Variants in SDCBP observed in about 807,000 individuals in gnomAD.
The protein encoded by SDCBP is syntenin-1.
Under a neutral mutation model 30.5 loss-of-function variants are expected in SDCBP, and 22 were observed. The ratio of observed to expected loss-of-function variants is 0.72; its 90% CI spans 0.52 to 1.03. SDCBP has a LOEUF of 1.03. Ranked by LOEUF, SDCBP falls within the 50% of genes least tolerant of loss-of-function variation. SDCBP has a pLI of 0.00. For missense variants in SDCBP, 304 were observed against 369.9 expected, an observed-to-expected ratio of 0.82 and a Z score of 1.46; for synonymous variants, 103 against 118.7, an observed-to-expected ratio of 0.87 and a Z score of 0.86.
intron 1 of SDCBP, among the ~76,000 whole-genome samples, chr8:58,557,429 A>T (rs1019784436): frequency 6.9e-6 from 1 of 143,934 alleles, no homozygotes; most frequent in African/African-American, 2.5e-5. Context: ...AATATATATT[A>T]TATATAATAC....
chr8:58,557,065 ATATAG>A (rs962536604), intron 1 of SDCBP, among the ~76,000 whole-genome samples: 30 of 129,250 alleles, frequency 2.3e-4, no homozygotes, highest in South Asian at 6.9e-4. Context: ...ATACTATATT[ATATAG>A]TATAGTATAG....
At position 58,570,712 on chromosome 8, in the gene SDCBP, G is replaced by C. The variant is rs1475195130; in HGVS notation, c.52-175G>C. 9.3e-6 allele frequency: 5 copies of C among 538,544 alleles called. No individual in the cohort carries two copies. In the Admixed American group the frequency reaches 1.6e-4, roughly 17 times the overall value. The allele number at this position is 538,544 out of a possible 1,614,324, so 33.4% of individuals were successfully genotyped here. A position where few individuals can be genotyped will look rare whatever the true frequency, so the allele number is the denominator to read the frequency against. ...TATTTAGAATATCAAATATAGTTTTGATTTGCAGATTTCCTTTGGAAAATG... is the reference window on the plus strand; with the variant it reads ...TATTTAGAATATCAAATATAGTTTTCATTTGCAGATTTCCTTTGGAAAATG... On this transcript the variant is annotated intron_variant, in intron 2 of 8. Coordinates refer to ENST00000260130, the MANE Select transcript of SDCBP (RefSeq NM_005625.4).
At chr8:58,577,406 T>C (rs1033755418) in intron 5 of SDCBP, among the ~76,000 whole-genome samples, 1 of 152,238 alleles carries the variant, frequency 6.6e-6, no homozygotes, top group Non-Finnish European at 1.5e-5. Context: ...GTTAACAGTA[T>C]TTGAGTTTTC....
At chr8:58,562,689 A>G (rs572890361) in intron 1 of SDCBP, among the ~76,000 whole-genome samples, 3 of 152,340 alleles carry the variant, frequency 2.0e-5, no homozygotes, top group Admixed American at 6.5e-5. Flanking sequence ...CATAAAATAG[A>G]TCAAAGATAT....
At chr8:58,559,060 A>G (rs1373849889) in intron 1 of SDCBP, among the ~76,000 whole-genome samples, 2 of 152,218 alleles carry the variant, frequency 1.3e-5, no homozygotes, top group African/African-American at 4.8e-5. Flanking sequence ...AGTGTAAATT[A>G]CGGTAATATT....
chr8:58,565,529 T>C (rs1490224400), intron 2 of SDCBP, among the ~76,000 whole-genome samples: 1 of 152,098 alleles, frequency 6.6e-6, no homozygotes, highest in African/African-American at 2.4e-5. Context: ...AGAGCAGTCA[T>C]GTAAGAGCAC....
rs1438647401 is a variant in SDCBP at position 58,580,615 on chromosome 8, A to C, written c.842+7A>C. The C allele has an allele frequency of 2.2e-6, 3 of 1,368,290 alleles. No homozygotes were observed. In the African/African-American group the frequency reaches 4.3e-5, roughly 20 times the overall value. 84.8% of individuals were successfully genotyped at this position (1,368,290 alleles called of 1,614,324 possible). A position where few individuals can be genotyped will look rare whatever the true frequency, so the allele number is the denominator to read the frequency against. On this transcript the variant is annotated splice_region_variant and intron_variant, in intron 8 of 8. Coordinates refer to ENST00000260130, the MANE Select transcript of SDCBP (RefSeq NM_005625.4). ...TTGAACATATTATTAAGCGGTAAGTAAACAATTCCTCAACTTAATGCATAT... is the reference window on the plus strand; with the variant it reads ...TTGAACATATTATTAAGCGGTAAGTCAACAATTCCTCAACTTAATGCATAT...
intron 6 of SDCBP, among the ~76,000 whole-genome samples, chr8:58,579,371 A>G (rs999829621): frequency 2.0e-5 from 3 of 152,216 alleles, no homozygotes; most frequent in Non-Finnish European, 2.9e-5. Context: ...AAAACCATAT[A>G]AAGCAGTTGT....
In SDCBP at chr8:58,578,191, C is replaced by A. The variant is rs1805455965; in HGVS notation, c.561C>A (p.Thr187=). The change falls in exon 6 of 9, where the codon ACC becomes ACA. Residue 187 remains threonine (T), a synonymous_variant. Transcript: ENST00000260130. ...AACAGGCTTTTGGAGAGAAGATTAC[C>A]ATGACCATTCGTGACAGGTAAGCTG... is the stretch of plus-strand genomic sequence containing the variant. ...VLKQAFGEKI[T]MTIRDRPFER... 6.4e-7 allele frequency: 1 copy of A among 1,566,890 alleles called. No individual in the cohort carries two copies. Among genetic ancestry groups the A allele is most frequent in the African/African-American group, 1.4e-5 (1 of 72,126 alleles).
At chr8:58,562,726 T>G (rs1804504417) in intron 1 of SDCBP, among the ~76,000 whole-genome samples, 1 of 152,136 alleles carries the variant, frequency 6.6e-6, no homozygotes, top group Admixed American at 6.5e-5. Context: ...GACATAACAT[T>G]TTTTGAAGAA....
chr8:58,554,625 AGGGG>A (rs1803998461), intron 1 of SDCBP, among the ~76,000 whole-genome samples: 1 of 152,220 alleles, frequency 6.6e-6, no homozygotes, highest in Non-Finnish European at 1.5e-5. Context: ...GATGAACAAA[AGGGG>A]AAGAATTTGC....
intron 1 of SDCBP, among the ~76,000 whole-genome samples, chr8:58,562,310 A>T (rs1221959499): frequency 1.3e-5 from 2 of 151,940 alleles, no homozygotes; most frequent in African/African-American, 4.9e-5. Flanking sequence ...AGATTTAAGG[A>T]TACTTTTTAT....
intron 6 of SDCBP, 160 bp downstream of exon 6, chr8:58,578,368 A>G (rs1248584945): frequency 1.3e-5 from 6 of 476,634 alleles, no homozygotes; most frequent in East Asian, 1.1e-4. Context: ...TTTTTCTTAC[A>G]TTGTTTTTAA....
intron 1 of SDCBP, among the ~76,000 whole-genome samples, chr8:58,563,237 A>G (rs1053067680): frequency 3.3e-5 from 5 of 152,202 alleles, no homozygotes; most frequent in Non-Finnish European, 7.3e-5. Flanking sequence ...ATACAATGGA[A>G]TATTATTCTG....
intron 1 of SDCBP, chr8:58,561,571 C>A (rs1430602227): frequency 2.4e-6 from 1 of 420,344 alleles, no homozygotes; most frequent in Non-Finnish European, 4.3e-6. Context: ...AGTCAAACTG[C>A]TGGAAGAAAA....
Position 58,575,799 on chromosome 8 carries a change from C to G in SDCBP, c.241-101C>G, listed in dbSNP as rs1238678333. On this transcript the variant is annotated intron_variant, in intron 4 of 8. Coordinates refer to ENST00000260130, the MANE Select transcript of SDCBP (RefSeq NM_005625.4). ...TCGGAAGGAAATTATTTGTGGATTG[C>G]TTTTTGGAAAGCCAAAACTGAGTAA... The G allele has an allele frequency of 8.9e-6, 9 of 1,014,722 alleles. No homozygotes were observed. In the East Asian group the frequency reaches 1.7e-4, roughly 19 times the overall value. 62.9% of individuals were successfully genotyped at this position (1,014,722 alleles called of 1,614,324 possible). A position where few individuals can be genotyped will look rare whatever the true frequency, so the allele number is the denominator to read the frequency against.
chr8:58,568,708 CT>C (rs1009959176), intron 2 of SDCBP, among the ~76,000 whole-genome samples: 4 of 152,224 alleles, frequency 2.6e-5, no homozygotes, highest in South Asian at 2.1e-4. Flanking sequence ...TTTTTTAGCT[CT>C]TTTATAATCT....
intron 1 of SDCBP, among the ~76,000 whole-genome samples, chr8:58,562,823 T>C (rs1475793246): frequency 6.6e-6 from 1 of 152,178 alleles, no homozygotes; most frequent in Non-Finnish European, 1.5e-5. Context: ...AGAAGAAATA[T>C]AGATTCAAAT....
chr8:58,572,515 T>C (rs1373711255), intron 4 of SDCBP, among the ~76,000 whole-genome samples: 1 of 152,194 alleles, frequency 6.6e-6, no homozygotes, highest in Non-Finnish European at 1.5e-5. Context: ...TATTAGGACT[T>C]AGATTCAGAT....
Sources: allele counts gnomAD v4.1 joint callset (sites outside exome capture counted in the v4.1 genomes callset), GRCh38; gene constraint gnomAD v4.1.1; transcripts MANE v1.5; gene names NCBI Gene and HGNC (gene_info 2026-07-23, HGNC 2026-07-21).